Variants in TLL1 observed in about 807,000 individuals in gnomAD.
TLL1 encodes the protein tolloid like 1.
Under a neutral mutation model 128.2 loss-of-function variants are expected in TLL1, and 49 were observed. The ratio of observed to expected loss-of-function variants is 0.38; its 90% confidence interval spans 0.30 to 0.48. TLL1 has a LOEUF of 0.48. Ranked by LOEUF, TLL1 falls within the 20% of genes least tolerant of loss-of-function variation. The pLI is 0.96. For synonymous variants in TLL1, 454 were observed against 418.8 expected (o/e 1.08, Z -1.03); for missense variants, 1,123 against 1,242.0 (o/e 0.90, Z 1.44).
At chr4:165,911,389 G>T (rs558858402) in intron 1 of TLL1, among the ~76,000 whole-genome samples, 1 of 152,210 alleles carries the variant, frequency 6.6e-6, no homozygotes, top group Middle Eastern at 3.4e-3. Context: ...TTTTATGGCT[G>T]AATAGTATTT....
chr4:165,918,591 A>G (rs1024038396), intron 1 of TLL1, among the ~76,000 whole-genome samples: 1 of 152,092 alleles, frequency 6.6e-6, no homozygotes, highest in Non-Finnish European at 1.5e-5. Context: ...CACTGTTTCA[A>G]GAGGAAACAG....
At position 166,044,528 on chromosome 4, in the gene TLL1, C is replaced by T. The variant is rs186511396; in HGVS notation, c.1524+1109C>T. On this transcript the variant is annotated intron_variant, in intron 12 of 20. Transcript: ENST00000061240. ...CCTTTTGTTACCAAAAAAATATATA[C>T]TTTCTACTTTAATCATTATGTTGTA... is the stretch of plus-strand genomic sequence containing the variant. 5.9e-5 allele frequency: 62 copies of T among 1,049,962 alleles called. No individual in the cohort carries two copies. The East Asian group carries it at 8.9e-4, about 15-fold the overall frequency. 65.0% of individuals were successfully genotyped at this position (1,049,962 alleles called of 1,614,324 possible). A position where few individuals can be genotyped will look rare whatever the true frequency, so the allele number is the denominator to read the frequency against.
At chr4:165,912,407 G>C (rs1474545097) in intron 1 of TLL1, among the ~76,000 whole-genome samples, 2 of 152,122 alleles carry the variant, frequency 1.3e-5, no homozygotes, top group Non-Finnish European at 2.9e-5. Flanking sequence ...AACTTGATTT[G>C]GTTTGCTTAC....
At chr4:165,933,533 TTGACTC>T (rs1247645994) in intron 1 of TLL1, among the ~76,000 whole-genome samples, 2 of 152,132 alleles carry the variant, frequency 1.3e-5, no homozygotes, top group Admixed American at 6.5e-5. Flanking sequence ...CAGAACCACT[TTGACTC>T]TGTTGCAGTG....
At chr4:165,934,235 G>T (rs1579507064) in intron 1 of TLL1, among the ~76,000 whole-genome samples, 1 of 129,046 alleles carries the variant, frequency 7.7e-6, no homozygotes, top group East Asian at 2.3e-4. Context: ...GGTTGGTCTT[G>T]AACTCCTGAC....
intron 3 of TLL1, 91 bp downstream of exon 3, chr4:165,992,975 AT>A: frequency 9.4e-7 from 1 of 1,067,388 alleles, no homozygotes; most frequent in South Asian, 1.3e-5. Context: ...TCAGTGTGCC[AT>A]TATGATGTGA....
At position 166,077,609 on chromosome 4, in the gene TLL1, T is replaced by TAG. The variant is rs112659379; in HGVS notation, c.2315-293_2315-292insGA. Among the ~76,000 whole-genome samples the TAG allele has an allele frequency of 3.7e-3, 566 of 152,306 alleles. 2 individuals are homozygous for TAG. Among genetic ancestry groups the TAG allele is most frequent in the African/African-American group, 0.013 (529 of 41,570 alleles). Reference sequence around the variant, plus strand: ...CGACTGTCAATATATGTTGCACTGTTAAAGTCTGAGCTACAGACCCATCAG... The same window carrying TAG: ...CGACTGTCAATATATGTTGCACTGTTAGAAAGTCTGAGCTACAGACCCATCAG... On this transcript the variant is annotated intron_variant, in intron 17 of 20. Coordinates refer to ENST00000061240, the MANE Select transcript of TLL1 (RefSeq NM_012464.5).
intron 1 of TLL1, among the ~76,000 whole-genome samples, chr4:165,984,817 A>T (rs1736327925): frequency 6.6e-6 from 1 of 151,964 alleles, no homozygotes; most frequent in African/African-American, 2.4e-5. Context: ...TCAAAAAGGC[A>T]CCTGTCTTTT....
intron 7 of TLL1, among the ~76,000 whole-genome samples, chr4:166,008,827 C>A (rs1313173018): frequency 1.3e-5 from 2 of 149,666 alleles, no homozygotes; most frequent in East Asian, 3.9e-4. Context: ...CCACTTATGT[C>A]CATTTCACAG....
intron 9 of TLL1, among the ~76,000 whole-genome samples, chr4:166,032,997 T>G (rs1560824359): frequency 6.6e-6 from 1 of 152,144 alleles, no homozygotes; most frequent in Non-Finnish European, 1.5e-5. Context: ...TTCTTTAATC[T>G]TATTCTTTAT....
chr4:166,009,385 T>C (rs1183919926), intron 7 of TLL1, among the ~76,000 whole-genome samples: 1 of 151,498 alleles, frequency 6.6e-6, no homozygotes, highest in Non-Finnish European at 1.5e-5. Context: ...AAAAACAATT[T>C]ATTCTTTTTG....
chr4:165,953,897 A>T (rs1160622522), intron 1 of TLL1, among the ~76,000 whole-genome samples: 1 of 152,088 alleles, frequency 6.6e-6, no homozygotes, highest in South Asian at 2.1e-4. Flanking sequence ...ATCTCTTGTA[A>T]TAAAGAGTGA....
intron 1 of TLL1, among the ~76,000 whole-genome samples, chr4:165,948,530 AG>A (rs1289690750): frequency 6.6e-6 from 1 of 152,244 alleles, no homozygotes; most frequent in African/African-American, 2.4e-5. Flanking sequence ...GAGAAACCCA[AG>A]GTTGACGAGC....
chr4:166,050,840 G>A (rs1739686078), intron 12 of TLL1, among the ~76,000 whole-genome samples: 4 of 152,104 alleles, frequency 2.6e-5, no homozygotes, highest in Admixed American at 6.6e-5. Flanking sequence ...CTTTTTCTAT[G>A]GTTCGTCTTC....
intron 9 of TLL1, among the ~76,000 whole-genome samples, chr4:166,034,104 T>C (rs1738894202): frequency 6.6e-6 from 1 of 152,176 alleles, no homozygotes; most frequent in African/African-American, 2.4e-5. Flanking sequence ...TATCTTTTGA[T>C]GTGTGAAATA....
chr4:166,037,984 G>T (rs1009486736), intron 9 of TLL1, among the ~76,000 whole-genome samples: 2 of 152,040 alleles, frequency 1.3e-5, no homozygotes, highest in Non-Finnish European at 2.9e-5. Flanking sequence ...GATCACTGTG[G>T]TACCTAGATA....
intron 9 of TLL1, chr4:166,030,929 A>G (rs1471262179): frequency 1.0e-6 from 1 of 981,142 alleles, no homozygotes; most frequent in Non-Finnish European, 1.2e-6. Context: ...TGCACATTTA[A>G]CTTTGTTTTA....
At position 166,100,957 on chromosome 4, in the gene TLL1, A is replaced by G; in HGVS notation, c.*81A>G. ...TTTTTTTAAAACTGAAGATATTGGC[A>G]CAAATGTTTTATACAAAGAGTTTGA... On this transcript the variant is annotated 3_prime_UTR_variant, in exon 21 of 21. Coordinates refer to ENST00000061240, the MANE Select transcript of TLL1 (RefSeq NM_012464.5). 6.5e-7 allele frequency: 1 copy of G among 1,537,428 alleles called. No individual in the cohort carries two copies. The highest frequency in any genetic ancestry group is 8.9e-7 in the Non-Finnish European group (1 of 1,128,972).
At chr4:165,986,045 C>G (rs1207338265) in intron 1 of TLL1, among the ~76,000 whole-genome samples, 1 of 151,674 alleles carries the variant, frequency 6.6e-6, no homozygotes, top group Non-Finnish European at 1.5e-5. Context: ...ATCTCACTAA[C>G]CTCAAATCAT....
Sources: allele counts gnomAD v4.1 joint callset (sites outside exome capture counted in the v4.1 genomes callset), GRCh38; gene constraint gnomAD v4.1.1; transcripts MANE v1.5; gene names NCBI Gene and HGNC (gene_info 2026-07-23, HGNC 2026-07-21).